SLCO5A1: variants seen among roughly 807,000 people sequenced by gnomAD.
SLCO5A1 encodes organic anion transporter polypeptide-related protein 4.
In SLCO5A1, 39 loss-of-function variants were observed where a neutral mutation model predicts 65.1. The observed-to-expected ratio is 0.60, with a 90% CI of 0.46 to 0.78. The LOEUF is 0.78. Ranked by LOEUF, SLCO5A1 falls within the 30% of genes least tolerant of loss-of-function variation. The pLI, the probability that SLCO5A1 is intolerant of heterozygous loss-of-function variation, is 0.00. For missense variants in SLCO5A1, 1,029 were observed against 1,069.4 expected, an observed-to-expected ratio of 0.96 and a Z score of 0.53; for synonymous variants, 438 against 415.7, an observed-to-expected ratio of 1.05 and a Z score of -0.65.
chr8:69,738,786 A>G (rs1183651287), intron 4 of SLCO5A1, among the ~76,000 whole-genome samples: 1 of 152,198 alleles, frequency 6.6e-6, no homozygotes, highest in African/African-American at 2.4e-5. Flanking sequence ...ATTGGGGAAC[A>G]AAGATCTCCA....
At position 69,705,372 on chromosome 8, in the gene SLCO5A1, T is replaced by C. The variant is rs532626821; in HGVS notation, c.1424-143A>G. 58 of 681,568 alleles carry C rather than the reference T, an allele frequency of 8.5e-5. No individual in the cohort carries two copies. The East Asian group carries it at 1.5e-3, about 18-fold the overall frequency. 42.2% of individuals were successfully genotyped at this position (681,568 alleles called of 1,614,324 possible). On this transcript the variant is annotated intron_variant, in intron 5 of 9. Transcript: ENST00000260126. ...TACATCTTCATTGTGTGTGATTTTATAGTATAATATTATTTTCAACACATA... is the reference window on the plus strand; with the variant it reads ...TACATCTTCATTGTGTGTGATTTTACAGTATAATATTATTTTCAACACATA...
At chr8:69,712,445 C>T (rs1433713371) in intron 5 of SLCO5A1, among the ~76,000 whole-genome samples, 2 of 151,946 alleles carry the variant, frequency 1.3e-5, no homozygotes, top group Admixed American at 6.6e-5. Context: ...CAATTTTTGC[C>T]AATTTGTATT....
At chr8:69,718,958 T>C (rs191875212) in intron 5 of SLCO5A1, among the ~76,000 whole-genome samples, 16 of 152,258 alleles carry the variant, frequency 1.1e-4, no homozygotes, top group Admixed American at 9.2e-4. Flanking sequence ...TAAAGTCTCA[T>C]TGACAAGGGG....
chr8:69,813,013 T>C (rs947564374), intron 2 of SLCO5A1, among the ~76,000 whole-genome samples: 3 of 152,088 alleles, frequency 2.0e-5, no homozygotes, highest in Non-Finnish European at 4.4e-5. Context: ...ACCAGAGACA[T>C]AAGCAAATTT....
At chr8:69,733,806 C>G (rs1340120834) in intron 5 of SLCO5A1, among the ~76,000 whole-genome samples, 3 of 152,222 alleles carry the variant, frequency 2.0e-5, no homozygotes, top group African/African-American at 4.8e-5. Context: ...CCATGCAGAA[C>G]TGTAAGTCAA....
chr8:69,704,566 T>C (rs1393148919), intron 6 of SLCO5A1, among the ~76,000 whole-genome samples: 1 of 152,132 alleles, frequency 6.6e-6, no homozygotes, highest in Non-Finnish European at 1.5e-5. Context: ...CTTGGAAGGA[T>C]ATGCAAAAAA....
In SLCO5A1 at chr8:69,761,826, T is replaced by C; in HGVS notation, c.957A>G (p.Leu319=). ...CATAAAAACCAATAAGAAGTCCACC[T>C]AATAAATATCCCACTGCAGGGCCAA... ...GALGPAVGYL[L]GGLLIGFYVD... is the part of the protein sequence containing the mutation. Residue 319 remains leucine, a synonymous_variant, in exon 3 of 10, where the codon TTA becomes TTG. Transcript: ENST00000260126. 1 of 1,613,994 alleles carries C rather than the reference T, an allele frequency of 6.2e-7. No individual in the cohort carries two copies. The highest frequency in any genetic ancestry group is 8.5e-7 in the Non-Finnish European group (1 of 1,179,956).
At chr8:69,792,775 G>T (rs2130893834) in intron 2 of SLCO5A1, among the ~76,000 whole-genome samples, 1 of 152,188 alleles carries the variant, frequency 6.6e-6, no homozygotes, top group Non-Finnish European at 1.5e-5. Context: ...TGAAATTAAA[G>T]TCAAGATGCA....
intron 6 of SLCO5A1, among the ~76,000 whole-genome samples, chr8:69,695,530 T>A (rs1279427071): frequency 6.6e-6 from 1 of 151,410 alleles, no homozygotes; most frequent in Non-Finnish European, 1.5e-5. Context: ...AGGTTGAGGA[T>A]GAGAAAAGGA....
chr8:69,715,800 T>C (rs890247747), intron 5 of SLCO5A1, among the ~76,000 whole-genome samples: 4 of 152,034 alleles, frequency 2.6e-5, no homozygotes, highest in African/African-American at 9.7e-5. Flanking sequence ...ATTGTGTTTC[T>C]TTTTTTTAAT....
At chr8:69,829,208 C>T (rs772753741) in intron 2 of SLCO5A1, among the ~76,000 whole-genome samples, 4 of 152,190 alleles carry the variant, frequency 2.6e-5, no homozygotes, top group Non-Finnish European at 2.9e-5. Context: ...CTGACATAGT[C>T]AGACCAAAAA....
chr8:69,771,357 T>C (rs1306430371), intron 2 of SLCO5A1, among the ~76,000 whole-genome samples: 1 of 152,208 alleles, frequency 6.6e-6, no homozygotes, highest in Non-Finnish European at 1.5e-5. Flanking sequence ...AAAATTAACT[T>C]TCATGTTTTT....
At chr8:69,753,688 G>C (rs1253037201) in intron 4 of SLCO5A1, among the ~76,000 whole-genome samples, 1 of 151,826 alleles carries the variant, frequency 6.6e-6, no homozygotes, top group East Asian at 1.9e-4. Context: ...TTCTCCCTTT[G>C]AGTCTACTTT....
At chr8:69,750,831 A>ACTCCCTCC (rs1817264823) in intron 4 of SLCO5A1, among the ~76,000 whole-genome samples, 4 of 151,920 alleles carry the variant, frequency 2.6e-5, no homozygotes, top group Admixed American at 2.0e-4. Flanking sequence ...CCCTCAGTGG[A>ACTCCCTCC]CTCTAAGCTC....
chr8:69,804,114 G>C (rs986800289), intron 2 of SLCO5A1, among the ~76,000 whole-genome samples: 1 of 152,150 alleles, frequency 6.6e-6, no homozygotes, highest in Non-Finnish European at 1.5e-5. Flanking sequence ...GTGGGAGCAA[G>C]CGAGAGACCA....
intron 2 of SLCO5A1, among the ~76,000 whole-genome samples, chr8:69,817,320 T>C (rs1391408556): frequency 2.0e-5 from 3 of 152,224 alleles, no homozygotes; most frequent in Non-Finnish European, 4.4e-5. Flanking sequence ...GTGTCAGACT[T>C]TCCTTCCTTT....
chr8:69,707,200 C>T (rs1815010707), intron 5 of SLCO5A1, among the ~76,000 whole-genome samples: 1 of 151,966 alleles, frequency 6.6e-6, no homozygotes, highest in African/African-American at 2.4e-5. Flanking sequence ...CCCCAAGAAC[C>T]TTACAATCTG....
At chr8:69,775,174 T>A (rs1451734507) in intron 2 of SLCO5A1, among the ~76,000 whole-genome samples, 1 of 152,188 alleles carries the variant, frequency 6.6e-6, no homozygotes, top group East Asian at 1.9e-4. Context: ...TTCAGTAGAT[T>A]TAGAGAGCTT....
intron 5 of SLCO5A1, chr8:69,713,335 C>T (rs1815357574): frequency 6.6e-6 from 1 of 152,208 alleles, no homozygotes; most frequent in South Asian, 2.1e-4. Flanking sequence ...TCATTGTAAG[C>T]CATCATGACA....
Sources: gnomAD v4.1 joint callset for allele counts (sites outside exome capture counted in the v4.1 genomes callset) on GRCh38, gnomAD v4.1.1 for gene constraint, MANE v1.5 for transcripts, NCBI Gene and HGNC (gene_info 2026-07-23, HGNC 2026-07-21) for gene names.